IL1RAPL1: variants seen among roughly 807,000 people sequenced by gnomAD.
IL1RAPL1 encodes interleukin 1 receptor accessory protein like 1, also known as interleukin-1 receptor accessory protein-like 1.
Under a neutral mutation model 48.4 loss-of-function variants are expected in IL1RAPL1, and 3 were observed. That is an observed-to-expected ratio of 0.06 (90% CI 0.03 to 0.16). The LOEUF is 0.16. IL1RAPL1 is among the 10% of genes least tolerant of loss of function. IL1RAPL1 has a pLI of 1.00. For missense variants in IL1RAPL1, 349 were observed against 530.6 expected (o/e 0.66, Z 3.36); for synonymous variants, 185 against 187.7 (o/e 0.99, Z 0.12).
At chrX:29,613,881 A>G (rs2147070000) in intron 5 of IL1RAPL1, among the ~76,000 whole-genome samples, 1 of 103,626 alleles carries the variant, frequency 9.7e-6, no homozygotes, top group Admixed American at 1.1e-4. Context: ...CTCCTGCCTC[A>G]GCCTCCCGAG....
intron 2 of IL1RAPL1, among the ~76,000 whole-genome samples, chrX:28,912,341 T>C (rs1426286775): frequency 1.8e-5 from 2 of 110,616 alleles, no homozygotes; most frequent in Non-Finnish European, 3.8e-5. Flanking sequence ...TTTGAACCGT[T>C]ATGGAAGGTA....
At chrX:29,786,926 G>A (rs1929512895) in intron 6 of IL1RAPL1, among the ~76,000 whole-genome samples, 1 of 111,644 alleles carries the variant, frequency 9.0e-6, no homozygotes, top group Non-Finnish European at 1.9e-5. Context: ...GGGTGTATAA[G>A]GCAGGGATCG....
chrX:28,934,480 A>G (rs1292585285), intron 2 of IL1RAPL1, among the ~76,000 whole-genome samples: 3 of 111,214 alleles, frequency 2.7e-5, no homozygotes, highest in Non-Finnish European at 5.7e-5. Flanking sequence ...CAATTTTACA[A>G]TATTTTCATC....
intron 2 of IL1RAPL1, among the ~76,000 whole-genome samples, chrX:29,082,064 A>G (rs1186313887): frequency 8.9e-6 from 1 of 111,961 alleles, no homozygotes; most frequent in African/African-American, 3.2e-5. Context: ...AGACTTTGCC[A>G]AACTTTGATT....
chrX:29,554,178 G>A (rs947896387), intron 5 of IL1RAPL1, among the ~76,000 whole-genome samples: 2 of 110,775 alleles, frequency 1.8e-5, no homozygotes, highest in African/African-American at 3.3e-5. Context: ...CAACAAAAAC[G>A]ATGGAACAAC....
intron 5 of IL1RAPL1, among the ~76,000 whole-genome samples, chrX:29,543,115 TTCTCTCTCTCTCTCTC>T (rs59836290): frequency 2.2e-5 from 2 of 91,683 alleles, no homozygotes; most frequent in Non-Finnish European, 4.3e-5. Flanking sequence ...ATCTGTTCGT[TTCTCTCTCTCTCTCTC>T]TCTCTCTCTC....
At chrX:29,356,414 CAT>C (rs1346240434) in intron 3 of IL1RAPL1, among the ~76,000 whole-genome samples, 2 of 112,650 alleles carry the variant, frequency 1.8e-5, no homozygotes, top group Non-Finnish European at 3.7e-5. Flanking sequence ...TGTTATATAT[CAT>C]ATACTGTTTT....
rs754998998 is a variant in IL1RAPL1 at position 28,987,507 on chromosome X, T to TAC, written c.82+198096_82+198097dup. On this transcript the variant is annotated intron_variant, in intron 2 of 10. Transcript: ENST00000378993. ...ATACATATGAACAGACACATATTTA[T>TAC]ACACACACACACACATACACACACA... 2.0e-4 allele frequency among the ~76,000 whole-genome samples: 22 copies of TAC among 110,955 alleles called. No individual in the cohort carries two copies. In the South Asian group the frequency reaches 2.6e-3, roughly 13 times the overall value.
At chrX:29,310,391 A>T (rs1932707636) in intron 3 of IL1RAPL1, among the ~76,000 whole-genome samples, 1 of 111,225 alleles carries the variant, frequency 9.0e-6, no homozygotes, top group Non-Finnish European at 1.9e-5. Flanking sequence ...ACATAGCAAA[A>T]TAGCAACAAA....
At chrX:28,996,360 A>G (rs1367590854) in intron 2 of IL1RAPL1, among the ~76,000 whole-genome samples, 5 of 111,681 alleles carry the variant, frequency 4.5e-5, no homozygotes, top group East Asian at 5.6e-4. Flanking sequence ...TCCACTAATC[A>G]TTTGATGATC....
chrX:28,648,299 C>G (rs908611371), intron 1 of IL1RAPL1, among the ~76,000 whole-genome samples: 5 of 111,754 alleles, frequency 4.5e-5, no homozygotes, highest in African/African-American at 1.6e-4. Context: ...AAATTATGGT[C>G]TTTTAAGCCT....
intron 2 of IL1RAPL1, among the ~76,000 whole-genome samples, chrX:28,846,872 C>T (rs182360357): frequency 4.5e-5 from 5 of 111,700 alleles, no homozygotes; most frequent in South Asian, 3.7e-4. Context: ...GGGCTCAGTC[C>T]TTGGACATCT....
chrX:29,012,275 G>T (rs1926140616), intron 2 of IL1RAPL1, among the ~76,000 whole-genome samples: 7 of 112,565 alleles, frequency 6.2e-5, no homozygotes, highest in Middle Eastern at 4.6e-3. Flanking sequence ...GGGTGAGGTG[G>T]CTCACGCCTG....
At chrX:28,960,174 A>G (rs1287878381) in intron 2 of IL1RAPL1, among the ~76,000 whole-genome samples, 2 of 111,971 alleles carry the variant, frequency 1.8e-5, no homozygotes, top group Non-Finnish European at 3.8e-5. Context: ...TTGTCATTTT[A>G]CAGATGATCG....
At chrX:29,545,304 T>A (rs752843881) in intron 5 of IL1RAPL1, among the ~76,000 whole-genome samples, 1 of 111,270 alleles carries the variant, frequency 9.0e-6, no homozygotes, top group African/African-American at 3.3e-5. Flanking sequence ...TGAGTCTTTT[T>A]CTCTTCATTT....
Position 28,786,833 on chromosome X carries a change from A to G in IL1RAPL1, c.-24-2487A>G, listed in dbSNP as rs775489580. On this transcript the variant is annotated intron_variant, in intron 1 of 10. Coordinates refer to ENST00000378993, the MANE Select transcript of IL1RAPL1 (RefSeq NM_014271.4). ...AGTATAAGCAATAAGAAAATATGTG[A>G]GAACCTCACTAAATGATTATGTACA... Among the ~76,000 whole-genome samples the G allele has an allele frequency of 9.8e-5, 11 of 112,258 alleles. No homozygotes were observed. In the East Asian group the frequency reaches 1.1e-3, roughly 12 times the overall value.
chrX:29,137,174 A>G (rs1051435864), intron 2 of IL1RAPL1, among the ~76,000 whole-genome samples: 2 of 109,065 alleles, frequency 1.8e-5, no homozygotes, highest in Non-Finnish European at 3.8e-5. Context: ...CCTTGGCCTC[A>G]GCTACTGCTT....
At chrX:29,518,681 C>T (rs1329171742) in intron 5 of IL1RAPL1, among the ~76,000 whole-genome samples, 1 of 110,958 alleles carries the variant, frequency 9.0e-6, no homozygotes, top group Non-Finnish European at 1.9e-5. Flanking sequence ...AGTAGTAGAT[C>T]GGATTTGAGA....
chrX:29,655,635 C>T (rs1479405828), intron 5 of IL1RAPL1, among the ~76,000 whole-genome samples: 1 of 75,158 alleles, frequency 1.3e-5, no homozygotes, highest in Non-Finnish European at 2.3e-5. Context: ...TGCACTCCAG[C>T]GTGGGTGACA....
Sources: allele counts gnomAD v4.1 joint callset (sites outside exome capture counted in the v4.1 genomes callset), GRCh38; gene constraint gnomAD v4.1.1; transcripts MANE v1.5; gene names NCBI Gene and HGNC (gene_info 2026-07-23, HGNC 2026-07-21).